The following TNR variants were observed in gnomAD, a reference collection of about 807,000 sequenced individuals.
TNR encodes tenascin R.
In TNR, 45 loss-of-function variants were observed where a neutral mutation model predicts 150.4. The observed-to-expected ratio is 0.30, with a 90% confidence interval of 0.24 to 0.38. TNR has a LOEUF of 0.38. Ranked by LOEUF, TNR falls within the 10% of genes least tolerant of loss-of-function variation. TNR has a pLI of 1.00. For synonymous variants in TNR, 687 were observed against 678.4 expected, an observed-to-expected ratio of 1.01 and a Z score of -0.20; for missense variants, 1,544 against 1,759.1, an observed-to-expected ratio of 0.88 and a Z score of 2.19.
At chr1:175,671,786 C>G (rs1218491327) in intron 1 of TNR, among the ~76,000 whole-genome samples, 1 of 152,102 alleles carries the variant, frequency 6.6e-6, no homozygotes, top group African/African-American at 2.4e-5. Flanking sequence ...AGGAACTGAT[C>G]CTACTAGGCA....
chr1:175,650,487 T>C (rs999433880), intron 1 of TNR, among the ~76,000 whole-genome samples: 1 of 151,884 alleles, frequency 6.6e-6, no homozygotes, highest in African/African-American at 2.4e-5. Flanking sequence ...ATGCCTGTAT[T>C]TGCATTATAA....
intron 18 of TNR, among the ~76,000 whole-genome samples, chr1:175,351,216 A>G (rs764960089): frequency 7.9e-5 from 12 of 152,144 alleles, no homozygotes; most frequent in African/African-American, 2.4e-4. Flanking sequence ...AATGTCCCCA[A>G]TCCCACCTCA....
intron 13 of TNR, 97 bp from the exon 14 acceptor site, chr1:175,362,906 G>T: frequency 6.9e-7 from 1 of 1,442,900 alleles, no homozygotes. Flanking sequence ...ATGGGTGTGG[G>T]ACTCCGCACT....
intron 1 of TNR, among the ~76,000 whole-genome samples, chr1:175,598,416 A>C (rs1663091679): frequency 6.6e-6 from 1 of 152,240 alleles, no homozygotes; most frequent in East Asian, 1.9e-4. Context: ...CCAAGATTAG[A>C]GGTGCTATTT....
chr1:175,483,992 T>C (rs967410310), intron 2 of TNR, among the ~76,000 whole-genome samples: 22 of 152,192 alleles, frequency 1.4e-4, no homozygotes, highest in Admixed American at 7.9e-4. Flanking sequence ...AGTTCACTTG[T>C]CCATATGCCC....
intron 1 of TNR, among the ~76,000 whole-genome samples, chr1:175,682,729 G>A (rs1204177675): frequency 2.6e-5 from 4 of 152,096 alleles, no homozygotes; most frequent in Non-Finnish European, 5.9e-5. Context: ...TTGGACTTCA[G>A]GTGGAAGCAG....
chr1:175,524,326 T>C (rs1392668283), intron 2 of TNR, among the ~76,000 whole-genome samples: 1 of 152,024 alleles, frequency 6.6e-6, no homozygotes, highest in Non-Finnish European at 1.5e-5. Flanking sequence ...GATTCAGGGA[T>C]AAGTAAATGG....
intron 1 of TNR, among the ~76,000 whole-genome samples, chr1:175,640,791 G>GTATATATATATATATATA (rs59240572): frequency 3.5e-5 from 5 of 143,648 alleles, no homozygotes; most frequent in East Asian, 2.0e-4. Flanking sequence ...GTGTGTGTGG[G>GTATATATATATATATATA]TATATATATA....
intron 18 of TNR, among the ~76,000 whole-genome samples, chr1:175,343,320 G>A (rs560870687): frequency 6.6e-6 from 1 of 152,094 alleles, no homozygotes; most frequent in East Asian, 1.9e-4. Context: ...CCTCCCTCAG[G>A]GTGTAGTAAT....
At chr1:175,715,183 A>G (rs1558087750) in intron 1 of TNR, among the ~76,000 whole-genome samples, 2 of 152,172 alleles carry the variant, frequency 1.3e-5, no homozygotes, top group Non-Finnish European at 2.9e-5. Flanking sequence ...TTGAAAATAC[A>G]TCCTGGGGTT....
intron 1 of TNR, among the ~76,000 whole-genome samples, chr1:175,662,572 A>G (rs929186491): frequency 6.6e-6 from 1 of 152,224 alleles, no homozygotes; most frequent in Admixed American, 6.5e-5. Context: ...TGTATGATTG[A>G]TGAATTGATA....
chr1:175,494,120 C>T (rs61805066), intron 2 of TNR, among the ~76,000 whole-genome samples: 15,782 of 152,168 alleles, frequency 0.1, 1,027 homozygotes, highest in Non-Finnish European at 0.16. Flanking sequence ...TGTCACTGTG[C>T]CGCCCTTCTC....
At chr1:175,671,583 C>G (rs1404347529) in intron 1 of TNR, among the ~76,000 whole-genome samples, 1 of 152,178 alleles carries the variant, frequency 6.6e-6, no homozygotes, top group Non-Finnish European at 1.5e-5. Flanking sequence ...CATAGTACAG[C>G]AAGTGAAATT....
chr1:175,374,872 GGTCATGA>G (rs963233648), intron 9 of TNR, among the ~76,000 whole-genome samples: 1 of 152,202 alleles, frequency 6.6e-6, no homozygotes, highest in Admixed American at 6.5e-5. Context: ...CTTGTTTCCT[GGTCATGA>G]GAATCCTTAC....
chr1:175,367,580 G>A (rs1238685024), intron 9 of TNR, among the ~76,000 whole-genome samples: 1 of 152,198 alleles, frequency 6.6e-6, no homozygotes, highest in African/African-American at 2.4e-5. Flanking sequence ...GCTCACATAA[G>A]TATACAAGGA....
rs1648997435 is a variant in TNR, at chr1:175,320,778, CCCTTCCTTCTTTCCTT to C, written c.*2563_*2578del. ...TCTCTTTTCTTTCCCTCCCTCCCTCCCCTTCCTTCTTTCCTTCCTTCCTTCCTTCCTTCTTTCCTTC... is the reference window on the plus strand; with the variant it reads ...TCTCTTTTCTTTCCCTCCCTCCCTCCCCTTCCTTCCTTCCTTCTTTCCTTC... On this transcript the variant is annotated 3_prime_UTR_variant, in exon 23 of 23. Coordinates refer to ENST00000367674, the MANE Select transcript of TNR (RefSeq NM_003285.3). The C allele has an allele frequency of 6.7e-6, 1 of 148,686 alleles. No homozygotes were observed. The highest frequency in any genetic ancestry group is 2.1e-4 in the South Asian group (1 of 4,690). The allele number at this position is 148,686 out of a possible 1,614,324, so 9.2% of individuals were successfully genotyped here. A position where few individuals can be genotyped will look rare whatever the true frequency, so the allele number is the denominator to read the frequency against.
intron 1 of TNR, among the ~76,000 whole-genome samples, chr1:175,627,133 C>T (rs183128594): frequency 3.6e-4 from 55 of 152,354 alleles, no homozygotes; most frequent in South Asian, 1.9e-3. Context: ...CCCCACCAAA[C>T]TCATACACTT....
chr1:175,709,293 T>TCACACACACA (rs201842928), intron 1 of TNR, among the ~76,000 whole-genome samples: 7 of 135,282 alleles, frequency 5.2e-5, no homozygotes, highest in African/African-American at 1.2e-4. Context: ...TCCCTTGCTT[T>TCACACACACA]CACACACACA....
chr1:175,358,852 G>T (rs1651450436), intron 15 of TNR, among the ~76,000 whole-genome samples: 1 of 152,218 alleles, frequency 6.6e-6, no homozygotes, highest in Non-Finnish European at 1.5e-5. Context: ...AAACACGGAA[G>T]AGTTTAGCAG....
Sources: allele counts gnomAD v4.1 joint callset (sites outside exome capture counted in the v4.1 genomes callset), GRCh38; gene constraint gnomAD v4.1.1; transcripts MANE v1.5; gene names NCBI Gene and HGNC (gene_info 2026-07-23, HGNC 2026-07-21).